Variants in NT5E observed in about 807,000 individuals in gnomAD.
NT5E encodes 5'-nucleotidase.
Under a neutral mutation model 55.1 loss-of-function variants are expected in NT5E, and 53 were observed. The observed-to-expected ratio is 0.96, with a 90% CI of 0.77 to 1.21. The LOEUF (loss-of-function observed/expected upper bound fraction) is 1.21. Among genes scored for constraint, NT5E ranks in the 50% most tolerant of loss-of-function variants. NT5E has a pLI of 0.00. For missense variants in NT5E, 683 were observed against 724.3 expected (o/e 0.94, Z 0.65); for synonymous variants, 270 against 278.4 (o/e 0.97, Z 0.30).
intron 1 of NT5E, among the ~76,000 whole-genome samples, chr6:85,452,774 C>G (rs143631517): frequency 2.6e-5 from 4 of 152,114 alleles, no homozygotes; most frequent in Non-Finnish European, 4.4e-5. Flanking sequence ...ATTATACTAA[C>G]CCTCAGAGAA....
chr6:85,461,981 G>A (rs1023375830), intron 1 of NT5E, among the ~76,000 whole-genome samples: 60 of 152,126 alleles, frequency 3.9e-4, no homozygotes, highest in African/African-American at 1.3e-3. Context: ...TTGTGAGGAT[G>A]CATATGGTTC....
At chr6:85,469,349 A>C (rs972204801) in intron 2 of NT5E, among the ~76,000 whole-genome samples, 12 of 152,146 alleles carry the variant, frequency 7.9e-5, no homozygotes, top group African/African-American at 2.4e-4. Context: ...CTCGACATTT[A>C]GTCATTCCCC....
intron 1 of NT5E, among the ~76,000 whole-genome samples, chr6:85,452,158 T>C (rs796881594): frequency 1.4e-4 from 21 of 152,344 alleles, no homozygotes; most frequent in African/African-American, 4.3e-4. Flanking sequence ...TAGAATTGAG[T>C]TGTTGCTACC....
chr6:85,466,982 A>T, intron 1 of NT5E, 78 bp from the exon 2 acceptor site: 1 of 1,311,864 alleles, frequency 7.6e-7, no homozygotes, highest in Non-Finnish European at 1.1e-6. Flanking sequence ...CATAGAGCTT[A>T]GTCAGTTTTG....
In NT5E at chr6:85,493,861, G is replaced by A; in HGVS notation, c.1582G>A (p.Val528Ile). 3 of 1,613,854 alleles carry A rather than the reference G, an allele frequency of 1.9e-6. No individual in the cohort carries two copies. Among genetic ancestry groups the A allele is most frequent in the Admixed American group, 1.7e-5 (1 of 60,004 alleles). The change falls in exon 9 of 9, where the codon GTT (valine) becomes ATT (isoleucine). Residue 528 changes from valine to isoleucine, a missense_variant. By Grantham distance (29) the Val-to-Ile change is conservative. Transcript: ENST00000257770. ...TCTAGGTGACCAAGATATCAACGTGGTTTCTACATATATCTCCAAAATGAA... is the reference window on the plus strand; with the variant it reads ...TCTAGGTGACCAAGATATCAACGTGATTTCTACATATATCTCCAAAATGAA... Reference protein sequence around the residue: ...HDSGDQDINVVSTYISKMKVI... With the variant: ...HDSGDQDINVISTYISKMKVI...
At chr6:85,466,166 C>G (rs1769188071) in intron 1 of NT5E, among the ~76,000 whole-genome samples, 1 of 152,080 alleles carries the variant, frequency 6.6e-6, no homozygotes. Context: ...GGATTCCCTC[C>G]ACTCCCCCCC....
At chr6:85,471,558 A>G (rs1769308339) in intron 3 of NT5E, 133 bp downstream of exon 3, 1 of 497,192 alleles carries the variant, frequency 2.0e-6, no homozygotes, top group African/African-American at 2.0e-5. Flanking sequence ...TATAATATAT[A>G]TGTAATATAC....
chr6:85,469,153 A>G (rs1769254426), intron 2 of NT5E, among the ~76,000 whole-genome samples: 1 of 152,256 alleles, frequency 6.6e-6, no homozygotes, highest in South Asian at 2.1e-4. Context: ...AGATCATTAA[A>G]TACCTGAAAT....
At chr6:85,475,654 A>G (rs1449677057) in intron 3 of NT5E, among the ~76,000 whole-genome samples, 2 of 152,234 alleles carry the variant, frequency 1.3e-5, no homozygotes, top group African/African-American at 4.8e-5. Flanking sequence ...CAGCAGGTAC[A>G]ACAGGGGACT....
chr6:85,455,173 TCA>T (rs1166384938), intron 1 of NT5E, among the ~76,000 whole-genome samples: 1 of 152,228 alleles, frequency 6.6e-6, no homozygotes, highest in African/African-American at 2.4e-5. Flanking sequence ...CCAGTACCTG[TCA>T]CAGAGTTCCT....
At chr6:85,459,927 T>G (rs1204544791) in intron 1 of NT5E, among the ~76,000 whole-genome samples, 1 of 152,216 alleles carries the variant, frequency 6.6e-6, no homozygotes, top group Admixed American at 6.5e-5. Context: ...TTATTAAAAA[T>G]ACCTTGCAAT....
At chr6:85,461,198 G>A (rs916428093) in intron 1 of NT5E, among the ~76,000 whole-genome samples, 3 of 152,172 alleles carry the variant, frequency 2.0e-5, no homozygotes, top group Non-Finnish European at 4.4e-5. Flanking sequence ...AAATCCTGAG[G>A]CTGGAGTTTT....
chr6:85,459,775 C>T (rs1026921175), intron 1 of NT5E, among the ~76,000 whole-genome samples: 1 of 152,182 alleles, frequency 6.6e-6, no homozygotes, highest in Non-Finnish European at 1.5e-5. Context: ...GGGTATTTGT[C>T]AATATTTACA....
At chr6:85,481,062 C>T (rs1769540222) in intron 3 of NT5E, among the ~76,000 whole-genome samples, 1 of 152,222 alleles carries the variant, frequency 6.6e-6, no homozygotes, top group South Asian at 2.1e-4. Context: ...ATGATTCCAC[C>T]ACATGGAAAG....
intron 2 of NT5E, among the ~76,000 whole-genome samples, chr6:85,470,638 C>T (rs917359916): frequency 3.9e-5 from 6 of 152,124 alleles, no homozygotes; most frequent in South Asian, 2.1e-4. Flanking sequence ...GACAGGGTTT[C>T]GCCATTTTGC....
At position 85,493,959 on chromosome 6, in the gene NT5E, AAT is replaced by A. The variant is rs1769839765; in HGVS notation, c.1683_1684del (p.Phe562SerfsTer21). The A allele has an allele frequency of 6.2e-7, 1 of 1,613,958 alleles. No homozygotes were observed. On this transcript the variant is annotated frameshift_variant, in exon 9 of 9. Transcript: ENST00000257770. LOFTEE classifies it high-confidence loss of function. ...GTCACTGCCATGGAAGCTTTTCTTT[AAT>A]ATTTCTTTCACTTTGGGCAGTGATC... is the stretch of plus-strand genomic sequence containing the variant. ...GSHCHGSFSL[I>X]FLSLWAVIFV... is the part of the protein sequence containing the mutation.
intron 3 of NT5E, among the ~76,000 whole-genome samples, chr6:85,476,458 C>T (rs899404430): frequency 3.9e-5 from 6 of 152,294 alleles, no homozygotes; most frequent in Non-Finnish European, 5.9e-5. Flanking sequence ...CTCTGTGCGG[C>T]CCCGCAGCAG....
intron 3 of NT5E, among the ~76,000 whole-genome samples, chr6:85,484,137 CA>C (rs1484306958): frequency 6.6e-6 from 1 of 152,198 alleles, no homozygotes; most frequent in African/African-American, 2.4e-5. Context: ...GTGTAATCAA[CA>C]TGTGCTGAAG....
chr6:85,459,135 A>G (rs537977371), intron 1 of NT5E, among the ~76,000 whole-genome samples: 3 of 152,170 alleles, frequency 2.0e-5, no homozygotes, highest in African/African-American at 4.8e-5. Flanking sequence ...TCTTTAAAAA[A>G]GAGAGACAGA....
Sources: gnomAD v4.1 joint callset for allele counts (sites outside exome capture counted in the v4.1 genomes callset) on GRCh38, gnomAD v4.1.1 for gene constraint, MANE v1.5 for transcripts, NCBI Gene and HGNC (gene_info 2026-07-23, HGNC 2026-07-21) for gene names.